Variants in SEMA5B observed in about 807,000 individuals in gnomAD.
The protein encoded by SEMA5B is semaphorin-5B.
Under a neutral mutation model 135.0 loss-of-function variants are expected in SEMA5B, and 66 were observed. The observed-to-expected ratio is 0.49, with a 90% confidence interval of 0.40 to 0.60. The LOEUF (loss-of-function observed/expected upper bound fraction) is 0.60, where lower values mean the gene tolerates loss of function less well. Among genes scored for constraint, SEMA5B ranks in the 20% least tolerant of loss-of-function variants. SEMA5B has a pLI of 0.00. For synonymous variants in SEMA5B, 690 were observed against 639.5 expected, an observed-to-expected ratio of 1.08 and a Z score of -1.19; for missense variants, 1,501 against 1,566.3, an observed-to-expected ratio of 0.96 and a Z score of 0.70.
chr3:122,910,727 G>C (rs1157332809), intron 22 of SEMA5B, 113 bp downstream of exon 22: 9 of 825,798 alleles, frequency 1.1e-5, no homozygotes, highest in Non-Finnish European at 1.8e-6. Flanking sequence ...GGAGAATGGC[G>C]TGAACCCGGG....
At chr3:122,925,092 G>A (rs1300027728) in intron 9 of SEMA5B, among the ~76,000 whole-genome samples, 3 of 152,096 alleles carry the variant, frequency 2.0e-5, no homozygotes, top group Admixed American at 6.5e-5. Context: ...TCTCGTTTCG[G>A]TCCACCCCCT....
At chr3:123,023,449 A>C (rs137975473) in intron 1 of SEMA5B, among the ~76,000 whole-genome samples, 37 of 152,226 alleles carry the variant, frequency 2.4e-4, no homozygotes, top group Non-Finnish European at 5.0e-4. Context: ...AGTATAAGTA[A>C]CACTCCCTCC....
At chr3:122,968,143 A>G (rs991847743) in intron 1 of SEMA5B, among the ~76,000 whole-genome samples, 1 of 152,262 alleles carries the variant, frequency 6.6e-6, no homozygotes, top group African/African-American at 2.4e-5. Flanking sequence ...TCACCACATT[A>G]TCAGAATTGG....
At chr3:122,955,624 G>T (rs2107582498) in intron 2 of SEMA5B, among the ~76,000 whole-genome samples, 1 of 152,248 alleles carries the variant, frequency 6.6e-6, no homozygotes, top group African/African-American at 2.4e-5. Flanking sequence ...ATTATCCCGA[G>T]GGTTGTATAG....
Position 122,916,450 on chromosome 3 carries a change from C to A in SEMA5B, c.1689-560G>T, listed in dbSNP as rs571956434. Reference sequence around the variant, plus strand: ...CACCCCACTCAACACTCTCTAGGGGCGAAGTAGTGTTTAAAAGCTCCCTGG... The same window carrying A: ...CACCCCACTCAACACTCTCTAGGGGAGAAGTAGTGTTTAAAAGCTCCCTGG... On this transcript the variant is annotated intron_variant, in intron 12 of 22. Transcript: ENST00000357599. Among the ~76,000 whole-genome samples, 351 of 152,260 alleles carry A rather than the reference C, an allele frequency of 2.3e-3. 1 individual carries two copies. Among genetic ancestry groups the A allele is most frequent in the Non-Finnish European group, 4.1e-3 (282 of 68,022 alleles).
At chr3:122,981,035 T>C (rs1941506567) in intron 1 of SEMA5B, among the ~76,000 whole-genome samples, 1 of 152,244 alleles carries the variant, frequency 6.6e-6, no homozygotes, top group Admixed American at 6.5e-5. Flanking sequence ...TTCGGGGACA[T>C]GGCAAAGAAA....
intron 1 of SEMA5B, among the ~76,000 whole-genome samples, chr3:122,969,153 GC>G (rs1941007352): frequency 1.3e-5 from 2 of 152,140 alleles, no homozygotes; most frequent in African/African-American, 4.8e-5. Flanking sequence ...AAGCTTTACT[GC>G]CTCTTTTCAG....
intron 6 of SEMA5B, 70 bp from the exon 7 acceptor site, chr3:122,928,685 C>A (rs1431591751): frequency 7.9e-6 from 9 of 1,138,412 alleles, no homozygotes; most frequent in Non-Finnish European, 1.1e-5. Flanking sequence ...CACGCTCACA[C>A]CACTGCGTCA....
Position 123,024,356 on chromosome 3 carries a change from C to T in SEMA5B, c.-39+3108G>A, listed in dbSNP as rs1426639579. Among the ~76,000 whole-genome samples, 3 of 152,226 alleles carry T rather than the reference C, an allele frequency of 2.0e-5. No individual in the cohort carries two copies. The East Asian group carries it at 5.8e-4, about 29-fold the overall frequency. ...AGGCATCAGGGCTTTCTGGATGTTC[C>T]TTGGAATCTGCAAACATCCAATGTG... On this transcript the variant is annotated intron_variant, in intron 1 of 22. Transcript: ENST00000357599.
chr3:123,014,733 AG>A (rs1235983566), intron 1 of SEMA5B, among the ~76,000 whole-genome samples: 1 of 152,250 alleles, frequency 6.6e-6, no homozygotes, highest in Non-Finnish European at 1.5e-5. Context: ...TCAGCTGGAA[AG>A]GTTTTTTCAA....
In SEMA5B at chr3:122,911,589, C is replaced by T. The variant is rs79944474; in HGVS notation, c.3047-54G>A. ...AGGGGCGGAGACGAGAGGAGGGGGG[C>T]CCTGCAGGGTAGGCGTAAGCCTGGG... On this transcript the variant is annotated intron_variant, in intron 20 of 22. Coordinates refer to ENST00000357599, the MANE Select transcript of SEMA5B (RefSeq NM_001031702.4). The T allele has an allele frequency of 5.2e-5, 81 of 1,561,734 alleles. No individual in the cohort carries two copies. The African/African-American group carries it at 1.0e-3, about 19-fold the overall frequency.
intron 2 of SEMA5B, among the ~76,000 whole-genome samples, chr3:122,954,612 G>A (rs540191876): frequency 3.9e-5 from 6 of 152,310 alleles, no homozygotes; most frequent in South Asian, 2.1e-4. Context: ...TTACAGGGAC[G>A]TGCTCTAAGA....
intron 1 of SEMA5B, among the ~76,000 whole-genome samples, chr3:122,969,029 C>T (rs772122269): frequency 5.9e-5 from 9 of 152,146 alleles, no homozygotes; most frequent in Non-Finnish European, 1.2e-4. Context: ...GTTCTGTGCT[C>T]GAATAATTTT....
chr3:122,941,462 C>G (rs116277424), intron 4 of SEMA5B, among the ~76,000 whole-genome samples: 1 of 152,152 alleles, frequency 6.6e-6, no homozygotes, highest in African/African-American at 2.4e-5. Flanking sequence ...GTTTCCTGGT[C>G]CATAAAATGG....
chr3:122,917,342 A>C (rs185100118), intron 12 of SEMA5B, among the ~76,000 whole-genome samples: 71 of 152,344 alleles, frequency 4.7e-4, no homozygotes, highest in African/African-American at 1.7e-3. Flanking sequence ...CGGGGAGTTC[A>C]CAACATTCTG....
At chr3:122,999,415 G>A (rs2107749813) in intron 1 of SEMA5B, among the ~76,000 whole-genome samples, 1 of 152,084 alleles carries the variant, frequency 6.6e-6, no homozygotes, top group South Asian at 2.1e-4. Flanking sequence ...AGTAGAGATG[G>A]GGTTTCCCCA....
chr3:122,954,577 T>C (rs1341498127), intron 2 of SEMA5B, among the ~76,000 whole-genome samples: 1 of 152,140 alleles, frequency 6.6e-6, no homozygotes, highest in Non-Finnish European at 1.5e-5. Flanking sequence ...GCCCATGAGA[T>C]GAATGAGGAG....
intron 2 of SEMA5B, among the ~76,000 whole-genome samples, chr3:122,952,596 C>G (rs936824347): frequency 6.6e-6 from 1 of 152,180 alleles, no homozygotes; most frequent in Non-Finnish European, 1.5e-5. Flanking sequence ...ACTGAGTGAT[C>G]GACTAGCATG....
intron 3 of SEMA5B, among the ~76,000 whole-genome samples, chr3:122,944,503 G>A (rs1939699255): frequency 6.6e-6 from 1 of 152,218 alleles, no homozygotes; most frequent in South Asian, 2.1e-4. Flanking sequence ...ACCTAGCAGT[G>A]TTTGAACGAA....
Sources: allele counts gnomAD v4.1 joint callset (sites outside exome capture counted in the v4.1 genomes callset), GRCh38; gene constraint gnomAD v4.1.1; transcripts MANE v1.5; gene names NCBI Gene and HGNC (gene_info 2026-07-23, HGNC 2026-07-21).